Variants in BET1L observed in about 807,000 individuals in gnomAD.
BET1L encodes the protein Bet1 golgi vesicular membrane trafficking protein like.
Under a neutral mutation model 12.6 loss-of-function variants are expected in BET1L, and 13 were observed. That is an observed-to-expected ratio of 1.03 (90% CI 0.67 to 1.64). The LOEUF (loss-of-function observed/expected upper bound fraction) is 1.64. BET1L is among the 40% of genes most tolerant of loss of function. BET1L has a pLI of 0.00. For synonymous variants in BET1L, 60 were observed against 56.9 expected (o/e 1.05, Z -0.25); for missense variants, 154 against 150.7 (o/e 1.02, Z -0.11).
At chr11:205,906 TC>T (rs1855139929) in intron 2 of BET1L, 45 bp downstream of exon 2, 1 of 1,591,646 alleles carries the variant, frequency 6.3e-7, no homozygotes, top group Admixed American at 1.7e-5. Context: ...TGATCCCCAT[TC>T]CCCAAAGGCA....
intron 3 of BET1L, 32 bp downstream of exon 3, chr11:205,579 G>C (rs367686530): frequency 1.9e-6 from 3 of 1,613,954 alleles, no homozygotes; most frequent in Non-Finnish European, 2.5e-6. Context: ...GCTAGGGCAG[G>C]GCACTGATAC....
chr11:207,356 A>T lies in BET1L; in HGVS notation c.-35T>A. 1 of 1,547,838 alleles carries T rather than the reference A, an allele frequency of 6.5e-7. No homozygotes were observed. Among genetic ancestry groups the T allele is most frequent in the Non-Finnish European group, 8.7e-7 (1 of 1,154,820 alleles). ...CCCCGGCTCCTCGACGCGGACACCG[A>T]CGCGGCCACAGCCGCCTCAGACGTG... is the stretch of plus-strand genomic sequence containing the variant. On this transcript the variant is annotated 5_prime_UTR_variant, in exon 1 of 4. Coordinates refer to ENST00000382762, the MANE Select transcript of BET1L (RefSeq NM_001098787.2).
Position 207,376 on chromosome 11 carries a change from G to GACGTGGCCACAGCCGCCTCAT in BET1L, c.-56_-55insATGAGGCGGCTGTGGCCACGT. On this transcript the variant is annotated 5_prime_UTR_variant, in exon 1 of 4. The change creates a new upstream start codon in the 5' untranslated region. Transcript: ENST00000382762. The stretch of plus-strand genomic sequence containing the variant: ...CACCGACGCGGCCACAGCCGCCTCA[G>GACGTGGCCACAGCCGCCTCAT]ACGTGGCGCAGTCGCGGGGAAAGAG... 6.6e-7 allele frequency: 1 copy of GACGTGGCCACAGCCGCCTCAT among 1,511,490 alleles called. No homozygotes were observed. The highest frequency in any genetic ancestry group is 8.8e-7 in the Non-Finnish European group (1 of 1,135,812). 93.6% of individuals were successfully genotyped at this position (1,511,490 alleles called of 1,614,324 possible). A position where few individuals can be genotyped will look rare whatever the true frequency, so the allele number is the denominator to read the frequency against.
chr11:206,890 G>A (rs914166529), intron 1 of BET1L: 2 of 226,176 alleles, frequency 8.8e-6, no homozygotes, highest in East Asian at 2.0e-4. Flanking sequence ...ACGGGCTCCA[G>A]GAGGGGAAAT....
rs1295141229 is a variant in BET1L at position 205,393 on chromosome 11, T to A, written c.245A>T (p.Gln82Leu). 2 of 1,614,086 alleles carry A rather than the reference T, an allele frequency of 1.2e-6. No individual in the cohort carries two copies. The highest frequency in any genetic ancestry group is 1.7e-6 in the Non-Finnish European group (2 of 1,180,046). ...GCCACATAGAAGCTTCCGGTTGTCT[T>A]GTCCGGACCTTGCCATTGTGGAAAA... ...KRFSTMARSG[Q>L]DNRKLLCGMA... The change falls in exon 4 of 4, where the codon CAA becomes CTA. Residue 82 changes from glutamine (Q) to leucine (L), a missense_variant. Gln to Leu is a moderately radical substitution (Grantham distance 113). Transcript: ENST00000382762.
chr11:205,690 AG>A lies in BET1L; in HGVS notation c.112-24del, dbSNP rs146749472. On this transcript the variant is annotated intron_variant, in intron 2 of 3. Transcript: ENST00000382762. ...GAGCTGTTCAGCAGACAGAGAGGGC[AG>A]GGTTGGGCCAGAGCAGACACATAAT... 23,359 of 1,601,844 alleles carry A rather than the reference AG, an allele frequency of 0.015. 2,987 individuals carry two copies. The African/African-American group carries it at 0.28, about 19-fold the overall frequency.
At chr11:205,887 C>A in intron 2 of BET1L, 65 bp downstream of exon 2, 1 of 1,563,678 alleles carries the variant, frequency 6.4e-7, no homozygotes, top group Non-Finnish European at 8.8e-7. Context: ...GGGCCCTCTG[C>A]CTTCCCTCTG....
chr11:205,479 G>T lies in BET1L; in HGVS notation c.169-10C>A, dbSNP rs766487778. The T allele has an allele frequency of 6.2e-7, 1 of 1,614,208 alleles. No individual in the cohort carries two copies. The highest frequency in any genetic ancestry group is 2.2e-5 in the East Asian group (1 of 44,890). On this transcript the variant is annotated splice_polypyrimidine_tract_variant and intron_variant, in intron 3 of 3. Transcript: ENST00000382762. ...TTGTGAAATCCGAGTCCTAAGGGAG[G>T]AATCCCAGCAAGATCACACAGAAGT...
At chr11:207,232 G>A in intron 1 of BET1L, 71 bp downstream of exon 1, 2 of 1,499,070 alleles carry the variant, frequency 1.3e-6, no homozygotes, top group Non-Finnish European at 1.8e-6. Flanking sequence ...GCAGGCGCAC[G>A]CGGCTCTACA....
chr11:207,354 C>CAACGCGGCCACAGCCGCCTCA lies in BET1L; in HGVS notation c.-34_-33insTGAGGCGGCTGTGGCCGCGTT, dbSNP rs1564796952. 80 of 1,099,352 alleles carry CAACGCGGCCACAGCCGCCTCA rather than the reference C, an allele frequency of 7.3e-5. No individual in the cohort carries two copies. The East Asian group carries it at 2.7e-3, about 38-fold the overall frequency. The allele number at this position is 1,099,352 out of a possible 1,614,324, so 68.1% of individuals were successfully genotyped here. A position where few individuals can be genotyped will look rare whatever the true frequency, so the allele number is the denominator to read the frequency against. On this transcript the variant is annotated 5_prime_UTR_variant, in exon 1 of 4. Transcript: ENST00000382762. ...TGCCCCGGCTCCTCGACGCGGACACCGACGCGGCCACAGCCGCCTCAGACG... is the reference window on the plus strand; with the variant it reads ...TGCCCCGGCTCCTCGACGCGGACACCAACGCGGCCACAGCCGCCTCAGACGCGGCCACAGCCGCCTCAGACG...
rs1163030884 is a variant in BET1L, at chr11:204,966, G to T, written c.*336C>A. 6.4e-6 allele frequency: 2 copies of T among 314,104 alleles called. No homozygotes were observed. The highest frequency in any genetic ancestry group is 6.1e-6 in the Non-Finnish European group (1 of 163,704). 19.5% of individuals were successfully genotyped at this position (314,104 alleles called of 1,614,324 possible). ...CGGGGAGAAGGGCTGCAAGCCACAG[G>T]TGGCCACGTCTGGGATTCACCAGCT... On this transcript the variant is annotated 3_prime_UTR_variant, in exon 4 of 4. Transcript: ENST00000382762.
In BET1L at chr11:207,308, G is replaced by T; in HGVS notation, c.14C>A (p.Ala5Asp). 2 of 1,545,322 alleles carry T rather than the reference G, an allele frequency of 1.3e-6. No individual in the cohort carries two copies. Among genetic ancestry groups the T allele is most frequent in the Non-Finnish European group, 1.7e-6 (2 of 1,154,016 alleles). Residue 5 changes from alanine to aspartate, a missense_variant, in exon 1 of 4, where the codon GCT becomes GAT. By Grantham distance (126) the Ala-to-Asp change is moderately radical. Transcript: ENST00000382762. ...CTCCGCTCTCCCGCGCTCACCCCGA[G>T]CCCAGTCCGCCATCGTGCCCTGCCC... is the stretch of plus-strand genomic sequence containing the variant. Reference protein sequence around the residue: MADWARAQSPGAVEE... With the variant: MADWDRAQSPGAVEE...
At position 203,570 on chromosome 11, in the gene BET1L, G is replaced by C. The variant is rs950008899; in HGVS notation, c.*1732C>G. Reference sequence around the variant, plus strand: ...GAAGGGTTGGCACCTGCAGTGACCAGATGGAGATACAATGCAGGCAGCTGC... The same window carrying C: ...GAAGGGTTGGCACCTGCAGTGACCACATGGAGATACAATGCAGGCAGCTGC... On this transcript the variant is annotated 3_prime_UTR_variant, in exon 4 of 4. Coordinates refer to ENST00000382762, the MANE Select transcript of BET1L (RefSeq NM_001098787.2). 5 of 152,612 alleles carry C rather than the reference G, an allele frequency of 3.3e-5. No individual in the cohort carries two copies. The highest frequency in any genetic ancestry group is 5.9e-5 in the Non-Finnish European group (4 of 68,084). 9.5% of individuals were successfully genotyped at this position (152,612 alleles called of 1,614,324 possible).
rs1855080430 is a variant in BET1L, at chr11:203,455, AGCACCTGGG to A, written c.*1838_*1846del. 2 of 152,500 alleles carry A rather than the reference AGCACCTGGG, an allele frequency of 1.3e-5. No homozygotes were observed. Among genetic ancestry groups the A allele is most frequent in the African/African-American group, 4.8e-5 (2 of 41,448 alleles). The allele number at this position is 152,500 out of a possible 1,614,324, so 9.4% of individuals were successfully genotyped here. ...GATGAGCAGGCACCACCATGGAAAGAGCACCTGGGGTGTAGCTGGTTACCACAGCTCAGC... is the reference window on the plus strand; with the variant it reads ...GATGAGCAGGCACCACCATGGAAAGAGTGTAGCTGGTTACCACAGCTCAGC... On this transcript the variant is annotated 3_prime_UTR_variant, in exon 4 of 4. Transcript: ENST00000382762.
Position 205,421 on chromosome 11 carries a change from G to A in BET1L, c.217C>T (p.Arg73Cys), listed in dbSNP as rs373427261. 8.7e-6 allele frequency: 14 copies of A among 1,614,070 alleles called. No individual in the cohort carries two copies. Among genetic ancestry groups the A allele is most frequent in the African/African-American group, 2.7e-5 (2 of 74,918 alleles). The change falls in exon 4 of 4, where the codon CGC becomes TGC. Residue 73 changes from arginine to cysteine, a missense_variant. Coordinates refer to ENST00000382762, the MANE Select transcript of BET1L (RefSeq NM_001098787.2). ...MTSLLTGSVKRFSTMARSGQD... is the reference protein window; with the variant it reads ...MTSLLTGSVKCFSTMARSGQD... ...CCGGACCTTGCCATTGTGGAAAAGC[G>A]CTTCACGCTCCCTGTAAGCAGGCTG... is the stretch of plus-strand genomic sequence containing the variant.
In BET1L at chr11:205,665, G is replaced by A. The variant is rs753195810; in HGVS notation, c.114C>T (p.Leu38=). 79 of 1,608,124 alleles carry A rather than the reference G, an allele frequency of 4.9e-5. No individual in the cohort carries two copies. Among genetic ancestry groups the A allele is most frequent in the Non-Finnish European group, 5.9e-5 (69 of 1,177,518 alleles). Residue 38 remains leucine (L), a splice_region_variant and synonymous_variant, in exon 3 of 4, where the codon CTC becomes CTT. Coordinates refer to ENST00000382762, the MANE Select transcript of BET1L (RefSeq NM_001098787.2). Reference sequence around the variant, plus strand: ...CTGCATCCCTATCGATGTCCAGGGCGAGCTGTTCAGCAGACAGAGAGGGCA... The same window carrying A: ...CTGCATCCCTATCGATGTCCAGGGCAAGCTGTTCAGCAGACAGAGAGGGCA... ...LASKVTRLKS[L]ALDIDRDAED...
At chr11:206,099 C>G (rs908284263) in intron 1 of BET1L, 56 bp from the exon 2 acceptor site, 1 of 1,475,538 alleles carries the variant, frequency 6.8e-7, no homozygotes, top group Non-Finnish European at 9.4e-7. Flanking sequence ...GGCCCCTGAC[C>G]CCTCTCACTC....
chr11:202,978 T>C lies in BET1L; in HGVS notation c.*2324A>G, dbSNP rs998437461. 1.4e-4 allele frequency: 21 copies of C among 152,242 alleles called. No individual in the cohort carries two copies. Among genetic ancestry groups the C allele is most frequent in the African/African-American group, 3.4e-4 (14 of 41,450 alleles). The allele number at this position is 152,242 out of a possible 1,614,324, so 9.4% of individuals were successfully genotyped here. On this transcript the variant is annotated 3_prime_UTR_variant, in exon 4 of 4. Coordinates refer to ENST00000382762, the MANE Select transcript of BET1L (RefSeq NM_001098787.2). ...AAATTTTTATTGTTAATGTTTCTCA[T>C]CCTGAAATTATGGGATACAGCCTAG...
Position 204,098 on chromosome 11 carries a change from C to T in BET1L, c.*1204G>A, listed in dbSNP as rs1176520509. 1 of 152,648 alleles carries T rather than the reference C, an allele frequency of 6.6e-6. No homozygotes were observed. Among genetic ancestry groups the T allele is most frequent in the African/African-American group, 2.4e-5 (1 of 41,442 alleles). The allele number at this position is 152,648 out of a possible 1,614,324, so 9.5% of individuals were successfully genotyped here. A position where few individuals can be genotyped will look rare whatever the true frequency, so the allele number is the denominator to read the frequency against. ...CACACAGGTGGGGGGACAGTGATCC[C>T]ATAGTCCCCAGGGAGTGACTGGGAG... is the stretch of plus-strand genomic sequence containing the variant. On this transcript the variant is annotated 3_prime_UTR_variant, in exon 4 of 4. Coordinates refer to ENST00000382762, the MANE Select transcript of BET1L (RefSeq NM_001098787.2).
Sources: gnomAD v4.1 joint callset for allele counts on GRCh38, gnomAD v4.1.1 for gene constraint, MANE v1.5 for transcripts, NCBI Gene and HGNC (gene_info 2026-07-23, HGNC 2026-07-21) for gene names.